CLEC1A: variants seen among roughly 807,000 people sequenced by gnomAD.
The protein encoded by CLEC1A is C-type lectin domain family 1 member A.
Under a neutral mutation model 28.7 loss-of-function variants are expected in CLEC1A, and 34 were observed. The ratio of observed to expected loss-of-function variants is 1.18; its 90% confidence interval spans 0.90 to 1.57. CLEC1A has a LOEUF of 1.57. Ranked by LOEUF, CLEC1A falls within the 40% of genes most tolerant of loss-of-function variation. The probability of loss-of-function intolerance (pLI) is 0.00; values close to 1 mark genes in which losing one functional copy is unlikely to be tolerated. For synonymous variants in CLEC1A, 116 were observed against 121.0 expected (o/e 0.96, Z 0.27); for missense variants, 385 against 339.5 (o/e 1.13, Z -1.05).
chr12:10,073,492 C>T lies in CLEC1A; in HGVS notation c.544-81G>A, dbSNP rs571321811. Reference sequence around the variant, plus strand: ...ACAGACATGCATGGGCCAGCCAGCACTTTTCTCAAAGCACACACAAGTCCT... The same window carrying T: ...ACAGACATGCATGGGCCAGCCAGCATTTTTCTCAAAGCACACACAAGTCCT... On this transcript the variant is annotated intron_variant, in intron 4 of 5. Coordinates refer to ENST00000315330, the MANE Select transcript of CLEC1A (RefSeq NM_016511.4). 4.9e-5 allele frequency: 49 copies of T among 991,478 alleles called. No homozygotes were observed. The South Asian group carries it at 6.8e-4, about 14-fold the overall frequency. The allele number at this position is 991,478 out of a possible 1,614,324, so 61.4% of individuals were successfully genotyped here.
chr12:10,098,674 ACTATGT>A, intron 1 of CLEC1A, 128 bp downstream of exon 1: 1 of 586,920 alleles, frequency 1.7e-6, no homozygotes, highest in Non-Finnish European at 3.0e-6. Flanking sequence ...AAAAATCACT[ACTATGT>A]CACAGGGCGA....
intron 2 of CLEC1A, among the ~76,000 whole-genome samples, chr12:10,083,112 A>G (rs1030527470): frequency 6.6e-6 from 1 of 152,180 alleles, no homozygotes; most frequent in Admixed American, 6.5e-5. Context: ...GAAGAGAATA[A>G]CAATCACTGC....
chr12:10,074,191 A>C (rs1406568289), intron 4 of CLEC1A, among the ~76,000 whole-genome samples: 10 of 152,144 alleles, frequency 6.6e-5, no homozygotes, highest in Non-Finnish European at 1.3e-4. Context: ...AAATTATCTA[A>C]ATATTTATTA....
chr12:10,094,148 C>A (rs1947746471), intron 1 of CLEC1A, among the ~76,000 whole-genome samples: 1 of 151,856 alleles, frequency 6.6e-6, no homozygotes, highest in Admixed American at 6.6e-5. Flanking sequence ...ATTTTATATC[C>A]CCATCAACAG....
chr12:10,071,279 C>G lies in CLEC1A; in HGVS notation c.*54G>C. 1 of 1,529,112 alleles carries G rather than the reference C, an allele frequency of 6.5e-7. No homozygotes were observed. Among genetic ancestry groups the G allele is most frequent in the Non-Finnish European group, 8.9e-7 (1 of 1,118,284 alleles). 94.7% of individuals were successfully genotyped at this position (1,529,112 alleles called of 1,614,324 possible). On this transcript the variant is annotated 3_prime_UTR_variant, in exon 6 of 6. Transcript: ENST00000315330. The stretch of plus-strand genomic sequence containing the variant: ...TCCATTTCCCAATGTCTCAACTAGC[C>G]CTTGCTTTGGCACCGCCTGGCTCAC...
chr12:10,085,946 G>T (rs1395452992), intron 2 of CLEC1A, among the ~76,000 whole-genome samples: 3 of 152,136 alleles, frequency 2.0e-5, no homozygotes, highest in African/African-American at 7.2e-5. Context: ...CACAAAAAAA[G>T]TCTCTATAAA....
At chr12:10,086,855 G>C (rs1462672930) in intron 2 of CLEC1A, among the ~76,000 whole-genome samples, 1 of 152,062 alleles carries the variant, frequency 6.6e-6, no homozygotes, top group East Asian at 1.9e-4. Context: ...AGAACAAAAA[G>C]AAAACTACAG....
rs1021526548 is a variant in CLEC1A at position 10,097,788 on chromosome 12, C to T, written c.115+1020G>A. Among the ~76,000 whole-genome samples the T allele has an allele frequency of 4.6e-5, 7 of 151,222 alleles. 1 individual carries two copies. Among genetic ancestry groups the T allele is most frequent in the African/African-American group, 4.8e-5 (2 of 41,278 alleles). ...CTTCGTAAGTTTTTTTGGAGGAAAA[C>T]GCTTTGTATCCTATTACACATATCC... On this transcript the variant is annotated intron_variant, in intron 1 of 5. Coordinates refer to ENST00000315330, the MANE Select transcript of CLEC1A (RefSeq NM_016511.4).
At chr12:10,075,076 A>C (rs1866222007) in intron 4 of CLEC1A, among the ~76,000 whole-genome samples, 1 of 152,236 alleles carries the variant, frequency 6.6e-6, no homozygotes, top group Non-Finnish European at 1.5e-5. Flanking sequence ...ACTTCTGGAA[A>C]GCAAGATATA....
At chr12:10,079,088 C>G (rs1187223151) in intron 3 of CLEC1A, among the ~76,000 whole-genome samples, 3 of 152,170 alleles carry the variant, frequency 2.0e-5, no homozygotes, top group Admixed American at 6.5e-5. Context: ...GCAACACAAA[C>G]AGACAAAGAC....
intron 3 of CLEC1A, among the ~76,000 whole-genome samples, chr12:10,077,590 CT>C (rs1866278054): frequency 6.6e-6 from 1 of 152,094 alleles, no homozygotes; most frequent in Admixed American, 6.5e-5. Flanking sequence ...TATGAACTCT[CT>C]TTACCTATAA....
intron 1 of CLEC1A, chr12:10,092,476 G>A: frequency 2.7e-6 from 1 of 376,410 alleles, no homozygotes; most frequent in South Asian, 1.9e-5. Flanking sequence ...GAGCCAGGGA[G>A]GTCAAGGCTG....
intron 1 of CLEC1A, among the ~76,000 whole-genome samples, chr12:10,094,192 A>G (rs1468439872): frequency 6.6e-6 from 1 of 152,104 alleles, no homozygotes; most frequent in Non-Finnish European, 1.5e-5. Flanking sequence ...CAAAAACAAC[A>G]TTACCATTAA....
At chr12:10,095,863 T>C (rs926255339) in intron 1 of CLEC1A, among the ~76,000 whole-genome samples, 2 of 152,194 alleles carry the variant, frequency 1.3e-5, no homozygotes, top group Non-Finnish European at 1.5e-5. Context: ...CTCCTGCTTC[T>C]ACCACTCTCT....
chr12:10,083,990 G>A (rs1214901923), intron 2 of CLEC1A, among the ~76,000 whole-genome samples: 12 of 107,388 alleles, frequency 1.1e-4, no homozygotes, highest in African/African-American at 4.2e-4. Context: ...ATCTGACAAA[G>A]ACAAAGATAA....
chr12:10,079,818 T>TA lies in CLEC1A; in HGVS notation c.391+1418dup, dbSNP rs58997693. On this transcript the variant is annotated intron_variant, in intron 3 of 5. Coordinates refer to ENST00000315330, the MANE Select transcript of CLEC1A (RefSeq NM_016511.4). Reference sequence around the variant, plus strand: ...TAGGTGACAGAGCGAGACTCTGTCTTAAAAAAAAAAATTAAAAATAAAAGT... The same window carrying TA: ...TAGGTGACAGAGCGAGACTCTGTCTTAAAAAAAAAAAATTAAAAATAAAAGT... 3.1e-4 allele frequency among the ~76,000 whole-genome samples: 46 copies of TA among 149,020 alleles called. No homozygotes were observed. The East Asian group carries it at 4.7e-3, about 15-fold the overall frequency.
At chr12:10,087,204 C>CAAA (rs59407880) in intron 2 of CLEC1A, among the ~76,000 whole-genome samples, 57,023 of 75,658 alleles carry the variant, frequency 0.75, 22,329 homozygotes, top group Non-Finnish European at 0.85. Flanking sequence ...GACTCCATCT[C>CAAA]AAAAAAAAAA....
chr12:10,071,230 A>C lies in CLEC1A; in HGVS notation c.*103T>G. The C allele has an allele frequency of 3.6e-6, 4 of 1,101,776 alleles. No individual in the cohort carries two copies. The highest frequency in any genetic ancestry group is 5.2e-6 in the Non-Finnish European group (4 of 763,730). The allele number at this position is 1,101,776 out of a possible 1,614,324, so 68.2% of individuals were successfully genotyped here. ...CGAGAACCCATTTTGTACTAGTCAG[A>C]GAGATAGTCTTTCCTGATTATGTTC... is the stretch of plus-strand genomic sequence containing the variant. On this transcript the variant is annotated 3_prime_UTR_variant, in exon 6 of 6. Coordinates refer to ENST00000315330, the MANE Select transcript of CLEC1A (RefSeq NM_016511.4).
At position 10,083,031 on chromosome 12, in the gene CLEC1A, A is replaced by T. The variant is rs1047694526; in HGVS notation, c.215-1618T>A. On this transcript the variant is annotated intron_variant, in intron 2 of 5. Transcript: ENST00000315330. Reference sequence around the variant, plus strand: ...GATGGGAGACCAGAAGATGGATCATATCACAGGACTCTGCAGACATTCCCC... The same window carrying T: ...GATGGGAGACCAGAAGATGGATCATTTCACAGGACTCTGCAGACATTCCCC... Among the ~76,000 whole-genome samples, 4 of 152,248 alleles carry T rather than the reference A, an allele frequency of 2.6e-5. No individual in the cohort carries two copies. In the East Asian group the frequency reaches 7.7e-4, roughly 29 times the overall value.
Sources: allele counts gnomAD v4.1 joint callset (sites outside exome capture counted in the v4.1 genomes callset), GRCh38; gene constraint gnomAD v4.1.1; transcripts MANE v1.5; gene names NCBI Gene and HGNC (gene_info 2026-07-23, HGNC 2026-07-21).